The following WAPL variants were observed in gnomAD, a reference collection of about 807,000 sequenced individuals.
WAPL encodes WAPL cohesin release factor.
A neutral mutation model predicts 121.0 loss-of-function variants in WAPL; 5 were observed. That is an observed-to-expected ratio of 0.04 (90% CI 0.02 to 0.09). WAPL has a LOEUF of 0.09. Ranked by LOEUF, WAPL falls within the 10% of genes least tolerant of loss-of-function variation. WAPL has a pLI of 1.00. For missense variants in WAPL, 999 were observed against 1,410.8 expected (o/e 0.71, Z 4.68); for synonymous variants, 480 against 481.5 (o/e 1.00, Z 0.04).
At chr10:86,474,451 T>C (rs1246998954) in intron 4 of WAPL, among the ~76,000 whole-genome samples, 2 of 151,298 alleles carry the variant, frequency 1.3e-5, no homozygotes, top group Non-Finnish European at 2.9e-5. Context: ...GAGGCAGAGG[T>C]TGCAGTGAGC....
chr10:86,473,836 G>T, intron 5 of WAPL, 42 bp downstream of exon 5: 1 of 1,441,418 alleles, frequency 6.9e-7, no homozygotes, highest in African/African-American at 1.4e-5. Flanking sequence ...TTAATTTATA[G>T]CTTATTAAAA....
intron 2 of WAPL, among the ~76,000 whole-genome samples, chr10:86,506,245 C>CAA (rs1348035091): frequency 6.6e-6 from 1 of 151,818 alleles, no homozygotes; most frequent in Non-Finnish European, 1.5e-5. Flanking sequence ...AAAACAAAAA[C>CAA]AAACAAACAA....
chr10:86,493,847 C>T (rs1330378291), intron 4 of WAPL, among the ~76,000 whole-genome samples: 1 of 152,086 alleles, frequency 6.6e-6, no homozygotes, highest in African/African-American at 2.4e-5. Context: ...ACTAAAAATA[C>T]AAAAAATTAG....
chr10:86,467,208 C>T (rs1589509257), intron 9 of WAPL, 71 bp downstream of exon 9: 4 of 1,400,054 alleles, frequency 2.9e-6, no homozygotes, highest in Admixed American at 3.6e-5. Flanking sequence ...CACAGTCACA[C>T]AGCTACTGCA....
At chr10:86,451,846 G>A (rs1228533884) in intron 15 of WAPL, 121 bp downstream of exon 15, 4 of 1,078,804 alleles carry the variant, frequency 3.7e-6, no homozygotes, top group Non-Finnish European at 5.3e-6. Context: ...GGCCGGGGGA[G>A]GGGCAGAGAG....
Position 86,451,392 on chromosome 10 carries a change from C to CT in WAPL, c.3114+574dup, listed in dbSNP as rs397737578. Among the ~76,000 whole-genome samples, 523 of 145,394 alleles carry CT rather than the reference C, an allele frequency of 3.6e-3. 1 individual carries two copies. Among genetic ancestry groups the CT allele is most frequent in the Middle Eastern group, 0.011 (3 of 282 alleles). ...CTGATCTACAGAGAAATTATACCAC[C>CT]TTTTTTTTTTTTTGGAGACAGAGTC... On this transcript the variant is annotated intron_variant, in intron 15 of 18. Coordinates refer to ENST00000298767, the MANE Select transcript of WAPL (RefSeq NM_015045.5).
At chr10:86,498,293 G>T (rs1049335730) in intron 3 of WAPL, among the ~76,000 whole-genome samples, 1 of 152,206 alleles carries the variant, frequency 6.6e-6, no homozygotes, top group Non-Finnish European at 1.5e-5. Context: ...GGAAACAAAT[G>T]CCTAGCTGTT....
At chr10:86,485,342 A>G (rs1240881808) in intron 4 of WAPL, among the ~76,000 whole-genome samples, 1 of 151,970 alleles carries the variant, frequency 6.6e-6, no homozygotes, top group African/African-American at 2.4e-5. Flanking sequence ...CAGGAGTTCA[A>G]GACCAACATG....
chr10:86,447,044 A>G (rs1402621019), intron 15 of WAPL, among the ~76,000 whole-genome samples: 2 of 152,202 alleles, frequency 1.3e-5, no homozygotes, highest in African/African-American at 4.8e-5. Context: ...AAGAATCCCT[A>G]CGGATCCTTA....
At chr10:86,491,329 C>T (rs1411584605) in intron 4 of WAPL, among the ~76,000 whole-genome samples, 4 of 151,416 alleles carry the variant, frequency 2.6e-5, no homozygotes, top group Non-Finnish European at 5.9e-5. Context: ...TTAGTAGAAA[C>T]GGGATTTCAC....
At chr10:86,460,356 A>G (rs1295596300) in intron 11 of WAPL, 43 bp downstream of exon 11, 2 of 1,505,746 alleles carry the variant, frequency 1.3e-6, no homozygotes, top group Non-Finnish European at 1.8e-6. Flanking sequence ...CACAATCACA[A>G]TTAAGACTGA....
intron 2 of WAPL, among the ~76,000 whole-genome samples, chr10:86,502,886 G>C (rs147364220): frequency 6.6e-6 from 1 of 152,248 alleles, no homozygotes; most frequent in Non-Finnish European, 1.5e-5. Flanking sequence ...TAGGCCAGGC[G>C]TGGTGGCTCA....
chr10:86,439,867 T>C (rs1482576272), intron 17 of WAPL, among the ~76,000 whole-genome samples: 1 of 152,238 alleles, frequency 6.6e-6, no homozygotes, highest in Non-Finnish European at 1.5e-5. Flanking sequence ...TGAGAAGACA[T>C]GGAGGGCAAG....
Position 86,500,565 on chromosome 10 carries a change from A to T in WAPL, c.678T>A (p.Ser226=). The change falls in exon 3 of 19, where the codon TCT becomes TCA. Residue 226 remains serine (S), a synonymous_variant. Transcript: ENST00000298767. ...CAGTTCTAACAGATCCCTTGATTGG[A>T]GATATTTCTGATGGTGATTCTGGCC... ...GKRPESPSEI[S]PIKGSVRTGL... The T allele has an allele frequency of 1.2e-6, 2 of 1,614,082 alleles. No homozygotes were observed. Among genetic ancestry groups the T allele is most frequent in the Non-Finnish European group, 1.7e-6 (2 of 1,180,026 alleles).
intron 8 of WAPL, among the ~76,000 whole-genome samples, chr10:86,468,867 G>A (rs1469657403): frequency 6.6e-6 from 1 of 152,042 alleles, no homozygotes; most frequent in Non-Finnish European, 1.5e-5. Context: ...TTGGGAGGCT[G>A]AGGCAGGTGG....
intron 2 of WAPL, among the ~76,000 whole-genome samples, chr10:86,515,499 T>C (rs1842537969): frequency 6.6e-6 from 1 of 152,058 alleles, no homozygotes; most frequent in African/African-American, 2.4e-5. Flanking sequence ...AAAAGTTTGA[T>C]GGGCCAGAAG....
chr10:86,455,163 G>A lies in WAPL; in HGVS notation c.2658-1332C>T, dbSNP rs557069631. On this transcript the variant is annotated intron_variant, in intron 12 of 18. Transcript: ENST00000298767. ...TGGGAAGTGAGGAGCCCCTCTGCCC[G>A]GCCGCCACCCCGTCTGGGAGGTGTA... Among the ~76,000 whole-genome samples, 254 of 151,914 alleles carry A rather than the reference G, an allele frequency of 1.7e-3. 1 individual carries two copies. The highest frequency in any genetic ancestry group is 2.9e-3 in the East Asian group (15 of 5,164).
intron 8 of WAPL, among the ~76,000 whole-genome samples, chr10:86,470,208 A>AT (rs1841506330): frequency 6.6e-6 from 1 of 151,852 alleles, no homozygotes; most frequent in African/African-American, 2.4e-5. Flanking sequence ...AATTTTTTGT[A>AT]TTTTTAGTAG....
chr10:86,469,018 C>T (rs1841467804), intron 8 of WAPL, among the ~76,000 whole-genome samples: 1 of 151,932 alleles, frequency 6.6e-6, no homozygotes, highest in African/African-American at 2.4e-5. Flanking sequence ...GCAGGACAAT[C>T]GCTTGAACCC....
Sources: allele counts gnomAD v4.1 joint callset (sites outside exome capture counted in the v4.1 genomes callset), GRCh38; gene constraint gnomAD v4.1.1; transcripts MANE v1.5; gene names NCBI Gene and HGNC (gene_info 2026-07-23, HGNC 2026-07-21).